DLG2: variants seen among roughly 807,000 people sequenced by gnomAD.
DLG2 encodes the protein disks large homolog 2.
Under a neutral mutation model 132.5 loss-of-function variants are expected in DLG2, and 45 were observed. The ratio of observed to expected loss-of-function variants is 0.34; its 90% CI spans 0.27 to 0.44. DLG2 has a LOEUF of 0.44. Ranked by LOEUF, DLG2 falls within the 20% of genes least tolerant of loss-of-function variation. DLG2 has a pLI of 1.00. For synonymous variants in DLG2, 424 were observed against 419.6 expected (o/e 1.01, Z -0.13); for missense variants, 1,045 against 1,196.9 (o/e 0.87, Z 1.87).
chr11:85,048,644 T>C (rs899906528), intron 6 of DLG2, among the ~76,000 whole-genome samples: 1 of 152,020 alleles, frequency 6.6e-6, no homozygotes, highest in Admixed American at 6.6e-5. Flanking sequence ...AGCGATTCAA[T>C]ATCTGTGGCT....
intron 4 of DLG2, among the ~76,000 whole-genome samples, chr11:85,158,606 A>C (rs1450432542): frequency 6.6e-6 from 1 of 152,186 alleles, no homozygotes; most frequent in Non-Finnish European, 1.5e-5. Flanking sequence ...CAGATCTAAG[A>C]GTGGGAACTG....
chr11:83,977,607 C>G (rs1245367194), intron 12 of DLG2, among the ~76,000 whole-genome samples: 2 of 152,052 alleles, frequency 1.3e-5, no homozygotes, highest in Non-Finnish European at 2.9e-5. Flanking sequence ...AAATACAAGA[C>G]AGTCTAAGAT....
At chr11:84,640,362 G>A in intron 6 of DLG2, 1 of 341,130 alleles carries the variant, frequency 2.9e-6, no homozygotes, top group Non-Finnish European at 5.5e-6. Context: ...AATCCTCAGG[G>A]TTTGGATAAG....
intron 6 of DLG2, among the ~76,000 whole-genome samples, chr11:84,538,234 G>C (rs1440873703): frequency 6.6e-6 from 1 of 152,222 alleles, no homozygotes; most frequent in African/African-American, 2.4e-5. Context: ...AGATATTCCA[G>C]CCAAAGGCAC....
chr11:85,510,723 T>C (rs1313953210), intron 3 of DLG2, among the ~76,000 whole-genome samples: 1 of 151,936 alleles, frequency 6.6e-6, no homozygotes, highest in Admixed American at 6.6e-5. Context: ...CAGGAAACAA[T>C]AGGTGCTGGA....
chr11:85,616,393 C>G (rs984193000), intron 2 of DLG2, among the ~76,000 whole-genome samples: 4 of 152,124 alleles, frequency 2.6e-5, no homozygotes, highest in African/African-American at 7.2e-5. Flanking sequence ...GTGGCATCAT[C>G]ATAAGAAGGC....
intron 6 of DLG2, among the ~76,000 whole-genome samples, chr11:84,568,606 C>T (rs2099467448): frequency 6.6e-6 from 1 of 152,152 alleles, no homozygotes; most frequent in Non-Finnish European, 1.5e-5. Flanking sequence ...CTGTACTAGC[C>T]ATCTAGATGG....
At chr11:84,190,998 G>A (rs975313775) in intron 8 of DLG2, among the ~76,000 whole-genome samples, 1 of 152,130 alleles carries the variant, frequency 6.6e-6, no homozygotes, top group Non-Finnish European at 1.5e-5. Context: ...ATTACTTTAA[G>A]GGAAGAATAA....
intron 3 of DLG2, among the ~76,000 whole-genome samples, chr11:85,324,329 T>C (rs759705479): frequency 1.3e-5 from 2 of 152,202 alleles, no homozygotes; most frequent in Non-Finnish European, 2.9e-5. Flanking sequence ...TCCTGCTAGA[T>C]AGACTATAAG....
chr11:85,464,462 G>A (rs748873551), intron 3 of DLG2, among the ~76,000 whole-genome samples: 5 of 152,122 alleles, frequency 3.3e-5, no homozygotes, highest in Non-Finnish European at 4.4e-5. Context: ...TATGGAAAAT[G>A]TTCCCTGTGA....
At chr11:84,176,164 C>T (rs1334519058) in intron 8 of DLG2, among the ~76,000 whole-genome samples, 1 of 151,772 alleles carries the variant, frequency 6.6e-6, no homozygotes, top group Non-Finnish European at 1.5e-5. Flanking sequence ...ATCCCCCTCC[C>T]CCTAGCAGAC....
chr11:84,852,783 G>C (rs1442127484), intron 6 of DLG2, among the ~76,000 whole-genome samples: 1 of 150,750 alleles, frequency 6.6e-6, no homozygotes, highest in Non-Finnish European at 1.5e-5. Flanking sequence ...AATAAAAAAG[G>C]GATTTGGCAG....
intron 3 of DLG2, among the ~76,000 whole-genome samples, chr11:85,292,666 G>A (rs187395472): frequency 0.2 from 2,451 of 12,134 alleles, 149 homozygotes; most frequent in Middle Eastern, 0.33. Context: ...GGGAGGGAGG[G>A]AGGGAGGGAG....
chr11:83,842,214 A>G (rs1422090402), intron 16 of DLG2, among the ~76,000 whole-genome samples: 1 of 152,188 alleles, frequency 6.6e-6, no homozygotes, highest in Admixed American at 6.5e-5. Context: ...AGGATCCTCT[A>G]AACTAGTCAG....
chr11:83,966,403 C>A (rs1340007374), intron 12 of DLG2, among the ~76,000 whole-genome samples: 1 of 152,006 alleles, frequency 6.6e-6, no homozygotes, highest in Admixed American at 6.6e-5. Flanking sequence ...ATTGTGTTAA[C>A]AGAAATGCCT....
intron 7 of DLG2, among the ~76,000 whole-genome samples, chr11:84,454,562 T>C (rs1452753854): frequency 6.6e-6 from 1 of 151,480 alleles, no homozygotes; most frequent in Non-Finnish European, 1.5e-5. Flanking sequence ...AGCTGTATTT[T>C]CAATATCCCA....
chr11:84,679,326 T>C (rs1337608986), intron 6 of DLG2, among the ~76,000 whole-genome samples: 2 of 152,072 alleles, frequency 1.3e-5, no homozygotes, highest in East Asian at 1.9e-4. Flanking sequence ...GATGTCAATA[T>C]ATAGAGATTT....
chr11:85,289,540 A>G (rs2078763736), intron 3 of DLG2, among the ~76,000 whole-genome samples: 1 of 152,182 alleles, frequency 6.6e-6, no homozygotes. Flanking sequence ...ACTATCATCA[A>G]AAAGAAAATA....
intron 7 of DLG2, among the ~76,000 whole-genome samples, chr11:84,349,101 C>T (rs892319693): frequency 1.3e-5 from 2 of 152,144 alleles, no homozygotes; most frequent in African/African-American, 4.8e-5. Context: ...AATTAGATTA[C>T]CTCCCGGTTT....
Sources: gnomAD v4.1 joint callset for allele counts (sites outside exome capture counted in the v4.1 genomes callset) on GRCh38, gnomAD v4.1.1 for gene constraint, MANE v1.5 for transcripts, NCBI Gene and HGNC (gene_info 2026-07-23, HGNC 2026-07-21) for gene names.